Variants in AARSD1 observed in about 807,000 individuals in gnomAD.
AARSD1 encodes alanyl-tRNA synthetase domain containing 1.
AARSD1 carries 44 observed loss-of-function variants against 48.7 expected under a neutral mutation model. The ratio of observed to expected loss-of-function variants is 0.90; its 90% CI spans 0.71 to 1.16. The LOEUF is 1.16. AARSD1 is among the 50% of genes most tolerant of loss of function. The pLI is 0.00. For synonymous variants in AARSD1, 189 were observed against 194.9 expected, an observed-to-expected ratio of 0.97 and a Z score of 0.25; for missense variants, 511 against 523.1, an observed-to-expected ratio of 0.98 and a Z score of 0.23.
chr17:42,954,906 G>C lies in AARSD1; in HGVS notation c.923C>G (p.Pro308Arg). 6.2e-7 allele frequency: 1 copy of C among 1,614,066 alleles called. No individual in the cohort carries two copies. The highest frequency in any genetic ancestry group is 1.7e-5 in the Admixed American group (1 of 59,996). ...TAATATGACCACACCTCCCCAGTCT[G>C]GACTGTTCCTGAGGCTATGGGCAAT... ...VHIAHSLRNS[P>R]DWGGVVILHR... The change falls in exon 9 of 12, where the codon CCA becomes CGA. Residue 308 changes from proline to arginine, a missense_variant. Pro to Arg is a moderately radical substitution (Grantham distance 103, BLOSUM62 -2). Transcript: ENST00000427569.
intron 9 of AARSD1, 99 bp from the exon 10 acceptor site, chr17:42,953,877 T>C (rs1169090670): frequency 2.0e-6 from 3 of 1,470,426 alleles, no homozygotes; most frequent in Non-Finnish European, 1.9e-6. Flanking sequence ...TTGCTGCCTA[T>C]GTACACATAA....
rs567729248 is a variant in AARSD1, at chr17:42,957,783, A to C, written c.332-588T>G. Among the ~76,000 whole-genome samples the C allele has an allele frequency of 2.6e-5, 4 of 152,248 alleles. No homozygotes were observed. The South Asian group carries it at 8.3e-4, about 32-fold the overall frequency. ...ACTGTGCCCAGTGAACTTAAGTTCC[A>C]ATATGCAGCATTCATCCATTCAACA... On this transcript the variant is annotated intron_variant, in intron 3 of 11. Coordinates refer to ENST00000427569, the MANE Select transcript of AARSD1 (RefSeq NM_001261434.2).
At chr17:42,956,007 G>A (rs760894034) in intron 6 of AARSD1, 35 bp from the exon 7 acceptor site, 109 of 1,613,430 alleles carry the variant, frequency 6.8e-5, no homozygotes, top group South Asian at 1.2e-4. Flanking sequence ...ACACACACAC[G>A]TGTGCACATG....
chr17:42,953,724 C>G lies in AARSD1; in HGVS notation c.1008G>C (p.Glu336Asp), dbSNP rs199553345. 1.1e-4 allele frequency: 176 copies of G among 1,614,138 alleles called. 1 individual carries two copies. The highest frequency in any genetic ancestry group is 1.6e-4 in the Middle Eastern group (1 of 6,062). The change falls in exon 10 of 12, where the codon GAG becomes GAC. Residue 336 changes from glutamate (E) to aspartate (D), a missense_variant and splice_region_variant. Coordinates refer to ENST00000427569, the MANE Select transcript of AARSD1 (RefSeq NM_001261434.2). Reference protein sequence around the residue: ...MNIIANEIGSEETLLFLTVGD... With the variant: ...MNIIANEIGSDETLLFLTVGD... The stretch of plus-strand genomic sequence containing the variant: ...GTAGAGAATCTCATGCTCCTCTTAC[C>G]TCTGACCCAATCTCATTGGCAATGA...
chr17:42,955,851 GCAGT>G lies in AARSD1; in HGVS notation c.781_784del (p.Thr261LeufsTer14). On this transcript the variant is annotated frameshift_variant, in exon 7 of 12. Transcript: ENST00000427569. LOFTEE classifies it high-confidence loss of function. ...ACTGAAACAGGCATACTTAAGCAGA[GCAGT>G]CAGTGCTTTTTCAGTTCCATGACTT... is the stretch of plus-strand genomic sequence containing the variant. The G allele has an allele frequency of 6.2e-7, 1 of 1,614,128 alleles. No homozygotes were observed. The highest frequency in any genetic ancestry group is 1.3e-5 in the African/African-American group (1 of 75,030).
intron 3 of AARSD1, chr17:42,960,966 T>G: frequency 1.5e-6 from 1 of 653,774 alleles, no homozygotes; most frequent in East Asian, 3.5e-5. Flanking sequence ...GAGTGGGAAG[T>G]TGATAATACC....
Position 42,951,857 on chromosome 17 carries a change from C to A in AARSD1, c.1046G>T (p.Gly349Val), listed in dbSNP as rs749841304. ...CCCTGCCAGTAAGAAGAGTCCACCA[C>A]CTTTCTCATCGCCCACAGTTAAGAA... The part of the protein sequence containing the change: ...LLFLTVGDEK[G>V]GGLFLLAGPP... The change falls in exon 11 of 12, where the codon GGT (glycine) becomes GTT (valine). Residue 349 changes from glycine to valine, a missense_variant. By Grantham distance (109) the Gly-to-Val change is moderately radical. Transcript: ENST00000427569. The A allele has an allele frequency of 3.1e-6, 5 of 1,614,064 alleles. No individual in the cohort carries two copies. The highest frequency in any genetic ancestry group is 4.2e-6 in the Non-Finnish European group (5 of 1,180,036).
At chr17:42,959,124 T>C (rs868364996) in intron 3 of AARSD1, among the ~76,000 whole-genome samples, 3 of 126,052 alleles carry the variant, frequency 2.4e-5, no homozygotes, top group Admixed American at 1.9e-4. Flanking sequence ...CCGAACCCAG[T>C]AGGCAGAGGT....
chr17:42,953,578 G>C (rs2049507178), intron 10 of AARSD1, 146 bp downstream of exon 10: 1 of 1,005,218 alleles, frequency 9.9e-7, no homozygotes, highest in Non-Finnish European at 1.5e-6. Flanking sequence ...CATATAGCTA[G>C]TACTAAGAAA....
At chr17:42,951,459 A>G (rs1430229864) in intron 11 of AARSD1, among the ~76,000 whole-genome samples, 1 of 152,220 alleles carries the variant, frequency 6.6e-6, no homozygotes, top group Non-Finnish European at 1.5e-5. Context: ...TGGCTGAGGC[A>G]GGAAAATTGC....
chr17:42,961,302 C>CGAGTCACTCTCAGCACA lies in AARSD1; in HGVS notation c.204_220dup (p.Arg74LeufsTer3), dbSNP rs575738044. The CGAGTCACTCTCAGCACA allele has an allele frequency of 1.8e-5, 29 of 1,614,008 alleles. No individual in the cohort carries two copies. The highest frequency in any genetic ancestry group is 2.0e-5 in the Non-Finnish European group (24 of 1,180,036). ...GAAATGATCAGCCTGTTCCCCACGG[C>CGAGTCACTCTCAGCACA]GAGTCACTCTCAGCACAGAGATGTC... On this transcript the variant is annotated stop_gained and frameshift_variant, in exon 3 of 12. Coordinates refer to ENST00000427569, the MANE Select transcript of AARSD1 (RefSeq NM_001261434.2). LOFTEE classifies it high-confidence loss of function.
chr17:42,960,437 A>G (rs1390055581), intron 3 of AARSD1, among the ~76,000 whole-genome samples: 1 of 151,936 alleles, frequency 6.6e-6, no homozygotes, highest in African/African-American at 2.4e-5. Flanking sequence ...ACATTTAGAA[A>G]ACAAACCAAC....
chr17:42,954,985 A>G lies in AARSD1; in HGVS notation c.862-18T>C, dbSNP rs1426811337. 6.2e-7 allele frequency: 1 copy of G among 1,614,092 alleles called. No individual in the cohort carries two copies. The highest frequency in any genetic ancestry group is 1.1e-5 in the South Asian group (1 of 91,078). On this transcript the variant is annotated intron_variant, in intron 8 of 11. Coordinates refer to ENST00000427569, the MANE Select transcript of AARSD1 (RefSeq NM_001261434.2). Reference sequence around the variant, plus strand: ...AGGTTATTCTGAAATGGATATGGTAACTCAGTAGATAAATGGAAAGGATAA... The same window carrying G: ...AGGTTATTCTGAAATGGATATGGTAGCTCAGTAGATAAATGGAAAGGATAA...
intron 3 of AARSD1, among the ~76,000 whole-genome samples, chr17:42,959,380 TA>T (rs1323217628): frequency 6.6e-6 from 1 of 151,446 alleles, no homozygotes; most frequent in African/African-American, 2.4e-5. Context: ...CACGCCCAGC[TA>T]ATTTTTGTGT....
chr17:42,951,963 C>T (rs2049485705), intron 10 of AARSD1, 69 bp from the exon 11 acceptor site: 2 of 1,504,106 alleles, frequency 1.3e-6, no homozygotes, highest in Non-Finnish European at 1.8e-6. Context: ...AAATCCTGCA[C>T]TCTCTTCAAT....
chr17:42,955,723 G>A, intron 7 of AARSD1, 119 bp downstream of exon 7: 2 of 1,528,512 alleles, frequency 1.3e-6, no homozygotes, highest in East Asian at 2.3e-5. Context: ...TTACAGATGT[G>A]GGCCACCACG....
At chr17:42,961,955 A>G (rs910963369) in intron 2 of AARSD1, among the ~76,000 whole-genome samples, 4 of 151,228 alleles carry the variant, frequency 2.6e-5, no homozygotes, top group African/African-American at 9.7e-5. Flanking sequence ...GTGTGCTATG[A>G]TTGCTCCACT....
chr17:42,964,442 C>A lies in AARSD1; in HGVS notation c.-2G>T. Reference sequence around the variant, plus strand: ...GTCACGCTGACACCAGAACGCCATACCTGCAGGCGTGTGAGGAGGCGCACG... The same window carrying A: ...GTCACGCTGACACCAGAACGCCATAACTGCAGGCGTGTGAGGAGGCGCACG... On this transcript the variant is annotated 5_prime_UTR_variant, in exon 1 of 12. Transcript: ENST00000427569. 6.4e-7 allele frequency: 1 copy of A among 1,550,746 alleles called. No individual in the cohort carries two copies. Among genetic ancestry groups the A allele is most frequent in the Non-Finnish European group, 8.7e-7 (1 of 1,147,024 alleles).
intron 10 of AARSD1, 161 bp from the exon 11 acceptor site, chr17:42,952,055 G>A (rs529532931): frequency 1.5e-4 from 118 of 763,922 alleles, no homozygotes; most frequent in Admixed American, 8.8e-4. Context: ...ACTGGCCCAC[G>A]AGGGCCAAGA....
Sources: gnomAD v4.1 joint callset for allele counts (sites outside exome capture counted in the v4.1 genomes callset) on GRCh38, gnomAD v4.1.1 for gene constraint, MANE v1.5 for transcripts, NCBI Gene and HGNC (gene_info 2026-07-23, HGNC 2026-07-21) for gene names.